The following ANKRD30B variants were observed in gnomAD, a reference collection of about 807,000 sequenced individuals.
ANKRD30B encodes ankyrin repeat domain 30B, also known as ankyrin repeat domain-containing protein 30B.
Under a neutral mutation model 202.2 loss-of-function variants are expected in ANKRD30B, and 144 were observed. That is an observed-to-expected ratio of 0.71 (90% confidence interval 0.62 to 0.82). The LOEUF (loss-of-function observed/expected upper bound fraction) is 0.82. Among genes scored for constraint, ANKRD30B ranks in the 40% least tolerant of loss-of-function variants. The pLI is 0.00. For missense variants in ANKRD30B, 1,487 were observed against 1,669.1 expected (o/e 0.89, Z 1.90); for synonymous variants, 508 against 561.3 (o/e 0.91, Z 1.34).
the ANKRD30B span, among the ~76,000 whole-genome samples, chr18:14,897,080 A>C: frequency 6.6e-6 from 1 of 152,198 alleles, no homozygotes; most frequent in East Asian, 1.9e-4. Flanking sequence ...AATAGAGTTG[A>C]CATAGGTAGA....
intron 30 of ANKRD30B, among the ~76,000 whole-genome samples, chr18:14,818,525 C>A (rs1970239239): frequency 1.1e-5 from 1 of 91,046 alleles, no homozygotes; most frequent in Non-Finnish European, 2.3e-5. Context: ...CCCCACCCTA[C>A]AACAGTCCCC....
chr18:14,931,821 C>T, the ANKRD30B span, among the ~76,000 whole-genome samples: 9 of 146,276 alleles, frequency 6.2e-5, no homozygotes, highest in East Asian at 1.7e-3. Flanking sequence ...GAGTCCTGAA[C>T]AGAGAAGACT....
chr18:14,877,284 G>T, the ANKRD30B span, among the ~76,000 whole-genome samples: 1 of 150,902 alleles, frequency 6.6e-6, no homozygotes, highest in South Asian at 2.1e-4. Flanking sequence ...TCATTGCCTG[G>T]CATGGAACGG....
At chr18:14,886,425 G>GA in the ANKRD30B span, among the ~76,000 whole-genome samples, 1 of 151,814 alleles carries the variant, frequency 6.6e-6, no homozygotes, top group African/African-American at 2.4e-5. Context: ...AAAAATAGGA[G>GA]AAAAACAAAT....
the ANKRD30B span, among the ~76,000 whole-genome samples, chr18:14,931,907 C>A: frequency 2.3e-4 from 32 of 139,642 alleles, no homozygotes; most frequent in African/African-American, 8.6e-4. Flanking sequence ...CCAGGCCCCC[C>A]ACCCCACCTC....
At chr18:14,750,170 A>G (rs116295610) in intron 1 of ANKRD30B, among the ~76,000 whole-genome samples, 1,714 of 152,238 alleles carry the variant, frequency 0.011, 32 homozygotes, top group African/African-American at 0.039. Context: ...TTTACTACTC[A>G]TGTATGTGTG....
intron 32 of ANKRD30B, among the ~76,000 whole-genome samples, chr18:14,826,520 G>A (rs1329017054): frequency 6.6e-6 from 1 of 152,048 alleles, no homozygotes; most frequent in African/African-American, 2.4e-5. Context: ...TATATACACA[G>A]GGTCTAGGAA....
At chr18:14,759,034 C>T (rs1457342956) in intron 5 of ANKRD30B, among the ~76,000 whole-genome samples, 1 of 152,130 alleles carries the variant, frequency 6.6e-6, no homozygotes, top group Non-Finnish European at 1.5e-5. Flanking sequence ...ATGTTACTTG[C>T]ATCTTTACCT....
At chr18:14,899,266 T>A in the ANKRD30B span, among the ~76,000 whole-genome samples, 2 of 152,106 alleles carry the variant, frequency 1.3e-5, no homozygotes, top group Non-Finnish European at 1.5e-5. Context: ...TTTCTTTAAA[T>A]TAATTATGTT....
At chr18:14,939,052 G>T in the ANKRD30B span, among the ~76,000 whole-genome samples, 1 of 152,186 alleles carries the variant, frequency 6.6e-6, no homozygotes, top group Non-Finnish European at 1.5e-5. Flanking sequence ...GGAGGAGAAA[G>T]AAGTGCTTTT....
the ANKRD30B span, among the ~76,000 whole-genome samples, chr18:14,919,414 CTGGGCTGCTCT>C: frequency 2.0e-5 from 3 of 152,178 alleles, no homozygotes; most frequent in African/African-American, 7.2e-5. Context: ...TCTCCCTGCT[CTGGGCTGCTCT>C]TGATTCCCTC....
At chr18:14,870,693 T>C in the ANKRD30B span, among the ~76,000 whole-genome samples, 19 of 152,048 alleles carry the variant, frequency 1.2e-4, no homozygotes, top group Non-Finnish European at 2.5e-4. Context: ...CAAGCCAGGG[T>C]TACAGCCCTC....
chr18:14,926,187 C>T, the ANKRD30B span, among the ~76,000 whole-genome samples: 1 of 152,054 alleles, frequency 6.6e-6, no homozygotes, highest in African/African-American at 2.4e-5. Context: ...ACCTATGAGC[C>T]CAGGAGGGGT....
the ANKRD30B span, among the ~76,000 whole-genome samples, chr18:14,896,514 TATA>T: frequency 6.6e-6 from 1 of 150,600 alleles, no homozygotes; most frequent in Non-Finnish European, 1.5e-5. Context: ...ACTTTAATAA[TATA>T]ATATCATTGA....
At chr18:14,790,102 T>C (rs1968366465) in intron 15 of ANKRD30B, among the ~76,000 whole-genome samples, 1 of 152,204 alleles carries the variant, frequency 6.6e-6, no homozygotes. Context: ...AAGAGGTCCT[T>C]CATGTCCCTT....
At chr18:14,817,827 G>C (rs917013269) in intron 30 of ANKRD30B, among the ~76,000 whole-genome samples, 3 of 152,108 alleles carry the variant, frequency 2.0e-5, no homozygotes, top group Non-Finnish European at 4.4e-5. Context: ...CATAATTAAA[G>C]CAGGTTTTTA....
the ANKRD30B span, among the ~76,000 whole-genome samples, chr18:14,932,492 G>A: frequency 9.9e-5 from 15 of 151,880 alleles, no homozygotes; most frequent in Non-Finnish European, 1.9e-4. Flanking sequence ...GCCCGCCACC[G>A]CGCCCGGCTA....
chr18:14,804,806 A>G lies in ANKRD30B; in HGVS notation c.2284+982A>G, dbSNP rs370952324. ...GTGTGTTGAATGGGAAGAATCAAGA[A>G]CACAAGTCTAGTGATTACTTTTGCT... On this transcript the variant is annotated intron_variant, in intron 24 of 43. Transcript: ENST00000690538. Among the ~76,000 whole-genome samples, 26 of 150,920 alleles carry G rather than the reference A, an allele frequency of 1.7e-4. No individual in the cohort carries two copies. In the East Asian group the frequency reaches 4.5e-3, roughly 26 times the overall value.
At chr18:14,938,925 G>T in the ANKRD30B span, among the ~76,000 whole-genome samples, 1 of 152,176 alleles carries the variant, frequency 6.6e-6, no homozygotes, top group Non-Finnish European at 1.5e-5. Flanking sequence ...TTCCCCCCCA[G>T]GAGAAGATCA....
Sources: allele counts gnomAD v4.1 joint callset (sites outside exome capture counted in the v4.1 genomes callset), GRCh38; gene constraint gnomAD v4.1.1; transcripts MANE v1.5; gene names NCBI Gene and HGNC (gene_info 2026-07-23, HGNC 2026-07-21).